The following UNC13C variants were observed in gnomAD, a reference collection of about 807,000 sequenced individuals.
The protein encoded by UNC13C is protein unc-13 homolog C.
Under a neutral mutation model 245.4 loss-of-function variants are expected in UNC13C, and 174 were observed. The ratio of observed to expected loss-of-function variants is 0.71; its 90% confidence interval spans 0.63 to 0.80. The LOEUF is 0.80. UNC13C is among the 30% of genes least tolerant of loss of function. The pLI is 0.00. For missense variants in UNC13C, 2,829 were observed against 2,602.9 expected (o/e 1.09, Z -1.89); for synonymous variants, 992 against 895.1 (o/e 1.11, Z -1.93).
intron 2 of UNC13C, among the ~76,000 whole-genome samples, chr15:54,066,482 C>T (rs1898081740): frequency 6.6e-6 from 1 of 152,138 alleles, no homozygotes. Context: ...AATTCAATAT[C>T]ATCTGTGCAC....
At chr15:54,373,865 AG>A (rs1442867511) in intron 17 of UNC13C, among the ~76,000 whole-genome samples, 1 of 152,096 alleles carries the variant, frequency 6.6e-6, no homozygotes. Flanking sequence ...CGACAACTAA[AG>A]GGTGAGTAAG....
chr15:53,884,015 T>C, the UNC13C span, among the ~76,000 whole-genome samples: 1 of 152,216 alleles, frequency 6.6e-6, no homozygotes, highest in Non-Finnish European at 1.5e-5. Context: ...CCAAGTTGCC[T>C]TGATGCTGTG....
intron 2 of UNC13C, among the ~76,000 whole-genome samples, chr15:54,110,806 C>A (rs749617397): frequency 5.3e-5 from 8 of 152,012 alleles, no homozygotes; most frequent in African/African-American, 9.7e-5. Flanking sequence ...CATAAGTGAC[C>A]CTTAATAGAA....
intron 19 of UNC13C, among the ~76,000 whole-genome samples, chr15:54,419,583 T>G (rs1355686464): frequency 6.6e-6 from 1 of 152,138 alleles, no homozygotes; most frequent in Non-Finnish European, 1.5e-5. Flanking sequence ...AATTAGTAGA[T>G]GGTCACTATA....
intron 4 of UNC13C, among the ~76,000 whole-genome samples, chr15:54,186,507 A>G (rs2033988507): frequency 6.6e-6 from 1 of 152,174 alleles, no homozygotes; most frequent in South Asian, 2.1e-4. Flanking sequence ...CTACTTAATT[A>G]TATACTTCAG....
At chr15:53,918,480 G>T in the UNC13C span, among the ~76,000 whole-genome samples, 43,806 of 151,970 alleles carry the variant, frequency 0.29, 6,484 homozygotes, top group East Asian at 0.39. Flanking sequence ...AGTTTACAAA[G>T]TCTCCCACTC....
intron 24 of UNC13C, among the ~76,000 whole-genome samples, chr15:54,520,984 C>T (rs912355889): frequency 6.6e-6 from 1 of 152,016 alleles, no homozygotes; most frequent in Non-Finnish European, 1.5e-5. Flanking sequence ...TTTATTTTAA[C>T]ATAAATGTTA....
intron 30 of UNC13C, among the ~76,000 whole-genome samples, chr15:54,612,869 A>G (rs987266592): frequency 5.3e-5 from 8 of 151,928 alleles, no homozygotes; most frequent in Admixed American, 3.3e-4. Context: ...TCTTGTTACT[A>G]TAAGTTTTAA....
chr15:54,206,309 C>T (rs2034706307), intron 4 of UNC13C, among the ~76,000 whole-genome samples: 1 of 152,118 alleles, frequency 6.6e-6, no homozygotes, highest in East Asian at 1.9e-4. Flanking sequence ...ATCCCTCATC[C>T]TCCAATCAAG....
At chr15:54,164,744 C>G (rs370533047) in intron 4 of UNC13C, among the ~76,000 whole-genome samples, 24 of 152,186 alleles carry the variant, frequency 1.6e-4, no homozygotes, top group African/African-American at 5.8e-4. Flanking sequence ...TAATTTTTCT[C>G]AGAACCATCT....
At chr15:54,069,770 T>C (rs1227267686) in intron 2 of UNC13C, among the ~76,000 whole-genome samples, 2 of 152,226 alleles carry the variant, frequency 1.3e-5, no homozygotes, top group African/African-American at 4.8e-5. Flanking sequence ...GAAGTAGATA[T>C]ACCTGACCTC....
intron 4 of UNC13C, among the ~76,000 whole-genome samples, chr15:54,199,576 G>A (rs1019742439): frequency 6.6e-6 from 1 of 152,086 alleles, no homozygotes; most frequent in Non-Finnish European, 1.5e-5. Flanking sequence ...CAAGAATTGT[G>A]TATTCAGCAA....
chr15:54,585,312 G>T (rs1314002719), intron 30 of UNC13C, among the ~76,000 whole-genome samples: 1 of 152,114 alleles, frequency 6.6e-6, no homozygotes, highest in African/African-American at 2.4e-5. Context: ...GTTAAAGAGT[G>T]TGGTACTGCC....
At chr15:54,455,636 T>C (rs924627959) in intron 19 of UNC13C, among the ~76,000 whole-genome samples, 2 of 151,952 alleles carry the variant, frequency 1.3e-5, no homozygotes, top group African/African-American at 4.8e-5. Flanking sequence ...TTTTCATGTT[T>C]GTTGGCCATT....
At chr15:54,326,700 T>A (rs1175875824) in intron 14 of UNC13C, among the ~76,000 whole-genome samples, 1 of 151,508 alleles carries the variant, frequency 6.6e-6, no homozygotes, top group East Asian at 2.0e-4. Context: ...AGACAGAGGA[T>A]TGTGGGAGGA....
chr15:54,272,983 G>C (rs537971802), intron 10 of UNC13C, among the ~76,000 whole-genome samples: 90 of 152,260 alleles, frequency 5.9e-4, no homozygotes, highest in African/African-American at 2.1e-3. Context: ...CTATGAACTT[G>C]ACTTAGTTTT....
chr15:54,043,327 C>T (rs1440983747), intron 2 of UNC13C, among the ~76,000 whole-genome samples: 1 of 152,140 alleles, frequency 6.6e-6, no homozygotes, highest in East Asian at 1.9e-4. Context: ...GATATTAAGC[C>T]AGCAGATACA....
At chr15:54,319,988 C>A (rs1474759155) in intron 13 of UNC13C, among the ~76,000 whole-genome samples, 1 of 151,972 alleles carries the variant, frequency 6.6e-6, no homozygotes, top group Admixed American at 6.6e-5. Context: ...ATAAAGCTGG[C>A]ATTATTCAAT....
chr15:54,375,741 T>C (rs1418337018), intron 17 of UNC13C, among the ~76,000 whole-genome samples: 1 of 152,212 alleles, frequency 6.6e-6, no homozygotes, highest in Non-Finnish European at 1.5e-5. Context: ...CCAACAATGA[T>C]GTGAGTTTGC....
Sources: gnomAD v4.1 joint callset for allele counts (sites outside exome capture counted in the v4.1 genomes callset) on GRCh38, gnomAD v4.1.1 for gene constraint, MANE v1.5 for transcripts, NCBI Gene and HGNC (gene_info 2026-07-23, HGNC 2026-07-21) for gene names.